The following KCNH1 variants were observed in gnomAD, a reference collection of about 807,000 sequenced individuals.
The protein encoded by KCNH1 is voltage-gated delayed rectifier potassium channel KCNH1.
KCNH1 carries 27 observed loss-of-function variants against 69.2 expected under a neutral mutation model. That is an observed-to-expected ratio of 0.39 (90% CI 0.29 to 0.54). The LOEUF (loss-of-function observed/expected upper bound fraction) is 0.54. KCNH1 is among the 20% of genes least tolerant of loss of function. The pLI is 0.68. For missense variants in KCNH1, 798 were observed against 1,261.6 expected (o/e 0.63, Z 5.57); for synonymous variants, 456 against 487.7 (o/e 0.93, Z 0.86).
At chr1:211,056,642 C>T (rs992042580) in intron 5 of KCNH1, among the ~76,000 whole-genome samples, 3 of 152,112 alleles carry the variant, frequency 2.0e-5, no homozygotes, top group Non-Finnish European at 4.4e-5. Context: ...GTGTTGGTGG[C>T]CACAGGGATG....
chr1:210,693,229 G>T (rs1681561841), intron 10 of KCNH1, among the ~76,000 whole-genome samples: 1 of 152,194 alleles, frequency 6.6e-6, no homozygotes, highest in Non-Finnish European at 1.5e-5. Flanking sequence ...GAAATAACAT[G>T]AGAGAAGCCC....
intron 7 of KCNH1, among the ~76,000 whole-genome samples, chr1:210,872,032 C>T (rs961829913): frequency 6.6e-6 from 1 of 150,418 alleles, no homozygotes; most frequent in Admixed American, 6.7e-5. Context: ...TGCAGATGTA[C>T]CCCAAAACTT....
intron 5 of KCNH1, among the ~76,000 whole-genome samples, chr1:211,030,235 T>C (rs193200721): frequency 1.8e-4 from 28 of 152,354 alleles, no homozygotes; most frequent in African/African-American, 6.3e-4. Flanking sequence ...TGGTTCAAAC[T>C]CATCAAATTA....
At chr1:210,718,331 A>T (rs56399772) in intron 10 of KCNH1, among the ~76,000 whole-genome samples, 2 of 125,954 alleles carry the variant, frequency 1.6e-5, no homozygotes, top group Non-Finnish European at 3.2e-5. Flanking sequence ...AATATATATA[A>T]ATATATGTAT....
chr1:211,048,547 A>C (rs1690134751), intron 5 of KCNH1, among the ~76,000 whole-genome samples: 1 of 152,204 alleles, frequency 6.6e-6, no homozygotes, highest in South Asian at 2.1e-4. Context: ...ATTTGCAGCA[A>C]CCTGGATGGA....
intron 7 of KCNH1, among the ~76,000 whole-genome samples, chr1:210,883,288 G>T (rs867143644): frequency 3.3e-5 from 5 of 152,188 alleles, no homozygotes; most frequent in Admixed American, 2.0e-4. Context: ...ATAGAGAAAA[G>T]CTCTTCTTTC....
At chr1:211,038,922 G>A (rs1386108181) in intron 5 of KCNH1, among the ~76,000 whole-genome samples, 1 of 152,238 alleles carries the variant, frequency 6.6e-6, no homozygotes, top group Non-Finnish European at 1.5e-5. Flanking sequence ...ATAAATTCAA[G>A]CTGGCTGCAG....
chr1:210,868,378 T>C (rs74156847), intron 7 of KCNH1, among the ~76,000 whole-genome samples: 13,187 of 152,018 alleles, frequency 0.087, 1,272 homozygotes, highest in African/African-American at 0.23. Flanking sequence ...AATTTCATTT[T>C]CTTAATGGTG....
At chr1:211,069,824 A>G (rs892697107) in intron 5 of KCNH1, among the ~76,000 whole-genome samples, 1 of 152,214 alleles carries the variant, frequency 6.6e-6, no homozygotes, top group Non-Finnish European at 1.5e-5. Context: ...GCTTATGTGT[A>G]TAAGTTTTGA....
chr1:210,959,046 G>C (rs1031809439), intron 6 of KCNH1, among the ~76,000 whole-genome samples: 8 of 152,180 alleles, frequency 5.3e-5, no homozygotes, highest in African/African-American at 1.7e-4. Context: ...CATCTTTGTA[G>C]TTTTTATCTA....
chr1:210,693,564 C>G (rs1411647939), intron 10 of KCNH1, among the ~76,000 whole-genome samples: 3 of 152,148 alleles, frequency 2.0e-5, no homozygotes, highest in African/African-American at 7.2e-5. Context: ...CAACATGGCC[C>G]ACTTCTAGAC....
chr1:211,059,806 T>G (rs1241674596), intron 5 of KCNH1, among the ~76,000 whole-genome samples: 1 of 151,962 alleles, frequency 6.6e-6, no homozygotes, highest in Non-Finnish European at 1.5e-5. Context: ...GCTAGAGACT[T>G]CTACACCTCA....
At chr1:210,837,711 CA>C (rs1685317116) in intron 7 of KCNH1, among the ~76,000 whole-genome samples, 1 of 152,162 alleles carries the variant, frequency 6.6e-6, no homozygotes, top group African/African-American at 2.4e-5. Context: ...TTCATCTAGG[CA>C]ATTATAGGCT....
At chr1:210,903,747 G>T (rs962337156) in intron 7 of KCNH1, among the ~76,000 whole-genome samples, 1 of 152,136 alleles carries the variant, frequency 6.6e-6, no homozygotes, top group Non-Finnish European at 1.5e-5. Flanking sequence ...GAAAGTCCTG[G>T]ACCAATACTG....
chr1:210,733,276 G>A (rs548708271), intron 10 of KCNH1, among the ~76,000 whole-genome samples: 2 of 152,122 alleles, frequency 1.3e-5, no homozygotes, highest in African/African-American at 4.8e-5. Flanking sequence ...AAAATGCTCT[G>A]ACTTGAGAAA....
At chr1:210,864,757 G>GC (rs886499988) in intron 7 of KCNH1, among the ~76,000 whole-genome samples, 13 of 152,250 alleles carry the variant, frequency 8.5e-5, no homozygotes, top group African/African-American at 2.6e-4. Context: ...TTTAGAAAAG[G>GC]CCCAGCAGGA....
chr1:210,765,662 G>A (rs745513255), intron 10 of KCNH1, among the ~76,000 whole-genome samples: 18 of 152,106 alleles, frequency 1.2e-4, no homozygotes, highest in Admixed American at 3.3e-4. Context: ...CTGGGGGAGA[G>A]AAAAAGAAGG....
At chr1:210,735,798 G>GACACAC (rs34116468) in intron 10 of KCNH1, among the ~76,000 whole-genome samples, 2 of 147,426 alleles carry the variant, frequency 1.4e-5, no homozygotes, top group Admixed American at 1.3e-4. Flanking sequence ...TGCATACACA[G>GACACAC]ACACACACAC....
chr1:210,829,353 G>A (rs952372555), intron 7 of KCNH1, among the ~76,000 whole-genome samples: 5 of 152,086 alleles, frequency 3.3e-5, no homozygotes, highest in African/African-American at 1.2e-4. Flanking sequence ...CATTCCCAGC[G>A]CTATTTTTAG....
Sources: gnomAD v4.1 joint callset for allele counts (sites outside exome capture counted in the v4.1 genomes callset) on GRCh38, gnomAD v4.1.1 for gene constraint, MANE v1.5 for transcripts, NCBI Gene and HGNC (gene_info 2026-07-23, HGNC 2026-07-21) for gene names.